The following MYO9B variants were observed in gnomAD, a reference collection of about 807,000 sequenced individuals.
MYO9B encodes the protein myosin IXB, also known as unconventional myosin-IXb.
A neutral mutation model predicts 229.5 loss-of-function variants in MYO9B; 71 were observed. The observed-to-expected ratio is 0.31, with a 90% CI of 0.26 to 0.38. The LOEUF (loss-of-function observed/expected upper bound fraction) is 0.38. Among genes scored for constraint, MYO9B ranks in the 10% least tolerant of loss-of-function variants. The pLI is 1.00. For missense variants in MYO9B, 2,255 were observed against 2,920.5 expected, an observed-to-expected ratio of 0.77 and a Z score of 5.25; for synonymous variants, 1,185 against 1,235.8, an observed-to-expected ratio of 0.96 and a Z score of 0.86.
chr19:17,134,501 C>T (rs185717748), intron 2 of MYO9B, among the ~76,000 whole-genome samples: 1 of 138,612 alleles, frequency 7.2e-6, no homozygotes, highest in East Asian at 2.4e-4. Context: ...AAGCGATTTT[C>T]GTGTCTCAGC....
intron 13 of MYO9B, among the ~76,000 whole-genome samples, chr19:17,174,179 G>A (rs551890546): frequency 1.3e-5 from 2 of 151,870 alleles, no homozygotes; most frequent in African/African-American, 2.4e-5. Flanking sequence ...ACAGGCACCC[G>A]CCACCACGCC....
chr19:17,204,625 C>T (rs1410199957), intron 30 of MYO9B, among the ~76,000 whole-genome samples: 1 of 151,710 alleles, frequency 6.6e-6, no homozygotes, highest in Non-Finnish European at 1.5e-5. Flanking sequence ...GGGAGGGTCG[C>T]TTGAACTCAG....
chr19:17,101,986 T>A lies in MYO9B; in HGVS notation c.269T>A (p.Leu90Gln). 6.2e-7 allele frequency: 1 copy of A among 1,613,242 alleles called. No homozygotes were observed. The highest frequency in any genetic ancestry group is 2.2e-5 in the East Asian group (1 of 44,872). The change falls in exon 2 of 40, where the codon CTA becomes CAA. Residue 90 changes from leucine to glutamine, a missense_variant. Around this residue, in one of 7 missense-constraint regions of MYO9B, gnomAD observed 386 missense variants for 515.2 expected, o/e 0.75. Coordinates refer to ENST00000682292, the MANE Select transcript of MYO9B (RefSeq NM_004145.4). This position sits in a 1 kb window ranked among gnomAD's most constrained non-coding sequence, Gnocchi z 4.7. ...ANDSPVHRVL[L>Q]WPRRAQDEHP... ...GACTCGCCTGTGCACCGGGTGCTGC[T>A]ATGGCCCCGGCGGGCACAGGACGAG...
intron 1 of MYO9B, among the ~76,000 whole-genome samples, chr19:17,078,548 A>T (rs896911535): frequency 2.0e-5 from 3 of 152,188 alleles, no homozygotes; most frequent in Admixed American, 6.5e-5. Context: ...AAAAATAATA[A>T]TAATTAAAAA....
intron 2 of MYO9B, among the ~76,000 whole-genome samples, chr19:17,123,669 A>G (rs1226570337): frequency 6.6e-6 from 1 of 152,094 alleles, no homozygotes; most frequent in East Asian, 1.9e-4. Context: ...ACAGCCTCCC[A>G]AAGTACTGGG....
At chr19:17,135,454 T>C (rs574382394) in intron 2 of MYO9B, among the ~76,000 whole-genome samples, 1 of 152,150 alleles carries the variant, frequency 6.6e-6, no homozygotes, top group African/African-American at 2.4e-5. Flanking sequence ...CCCCACATGA[T>C]ACTCCAGGCA....
In MYO9B at chr19:17,186,044, G is replaced by A. The variant is rs375017098; in HGVS notation, c.2577+43G>A. 7.0e-6 allele frequency: 11 copies of A among 1,565,792 alleles called. No individual in the cohort carries two copies. In the Middle Eastern group the frequency reaches 5.4e-4, roughly 77 times the overall value. ...GTTTGGGAGGAGAAGGCCCATGCCGGACTCTTAGGGGTGTCGGTGTCCCTG... is the reference window on the plus strand; with the variant it reads ...GTTTGGGAGGAGAAGGCCCATGCCGAACTCTTAGGGGTGTCGGTGTCCCTG... On this transcript the variant is annotated intron_variant, in intron 18 of 39. Transcript: ENST00000682292.
intron 2 of MYO9B, among the ~76,000 whole-genome samples, chr19:17,143,690 G>GT (rs546843355): frequency 1.3e-5 from 2 of 152,030 alleles, no homozygotes; most frequent in African/African-American, 2.4e-5. Context: ...TGAGAGGCCG[G>GT]GGCGGGCAGA....
chr19:17,147,560 A>C (rs1474580928), intron 3 of MYO9B, among the ~76,000 whole-genome samples: 1 of 150,550 alleles, frequency 6.6e-6, no homozygotes, highest in Non-Finnish European at 1.5e-5. Context: ...AAAAAAAAAA[A>C]ACCCAACAAC....
In MYO9B at chr19:17,168,010, A is replaced by G. The variant is rs367957981; in HGVS notation, c.1739A>G (p.His580Arg). 5.4e-5 allele frequency: 87 copies of G among 1,610,912 alleles called. No individual in the cohort carries two copies. In the African/African-American group the frequency reaches 1.1e-3, roughly 20 times the overall value. The change falls in exon 11 of 40, where the codon CAT (histidine) becomes CGT (arginine). Residue 580 changes from histidine to arginine, a missense_variant. By Grantham distance (29) the His-to-Arg change is conservative. Around this residue, in one of 7 missense-constraint regions of MYO9B, gnomAD observed 220 missense variants for 404.5 expected, o/e 0.54. Coordinates refer to ENST00000682292, the MANE Select transcript of MYO9B (RefSeq NM_004145.4). ...TACACAGACAATGTCGGCTGCATCC[A>G]TCTCATCAGCAAGAAACCCACGGGC... ...IGYTDNVGCI[H>R]LISKKPTGLF...
chr19:17,204,180 T>A (rs568838116), intron 30 of MYO9B, among the ~76,000 whole-genome samples: 1 of 152,044 alleles, frequency 6.6e-6, no homozygotes, highest in East Asian at 2.0e-4. Context: ...CCTCACCTGA[T>A]TCCATCCTTG....
At chr19:17,190,928 A>T (rs2072977647) in intron 19 of MYO9B, among the ~76,000 whole-genome samples, 169 bp from the exon 20 acceptor site, 1 of 152,132 alleles carries the variant, frequency 6.6e-6, no homozygotes, top group East Asian at 1.9e-4. Flanking sequence ...TACAGGTGTG[A>T]GCCACCACAC....
Position 17,195,001 on chromosome 19 carries a change from G to A in MYO9B, c.3574G>A (p.Glu1192Lys). 3 of 1,613,052 alleles carry A rather than the reference G, an allele frequency of 1.9e-6. No homozygotes were observed. The highest frequency in any genetic ancestry group is 1.3e-5 in the African/African-American group (1 of 74,974). The change falls in exon 22 of 40, where the codon GAA becomes AAA. Residue 1192 changes from glutamate (E) to lysine (K), a missense_variant. Physicochemically the swap from Glu to Lys is moderately conservative, Grantham distance 56. Around this residue, in one of 7 missense-constraint regions of MYO9B, gnomAD observed 679 missense variants for 770.2 expected, o/e 0.88. Transcript: ENST00000682292. The surrounding 1 kb of genome is among the most constrained non-coding windows in gnomAD (Gnocchi z 4.5). ...CCAGGAGCAAGGGGTGAGTCTCCTG[G>A]AAGACAAAAAGGAGAGCAGAGAAGA... ...VTQEQGVSLL[E>K]DKKESREDET...
At position 17,212,477 on chromosome 19, in the gene MYO9B, A is replaced by C. The variant is rs2073242936; in HGVS notation, c.*167A>C. On this transcript the variant is annotated 3_prime_UTR_variant, in exon 40 of 40. Transcript: ENST00000682292. This position sits in a 1 kb window ranked among gnomAD's most constrained non-coding sequence, Gnocchi z 5.4. ...CCAAGTGCAGAGTCAAGGCAGGGAG[A>C]GGCCGGCTGGAGCCAGGCCCCCTCG... 1 of 837,740 alleles carries C rather than the reference A, an allele frequency of 1.2e-6. No individual in the cohort carries two copies. Among genetic ancestry groups the C allele is most frequent in the South Asian group, 2.4e-5 (1 of 41,996 alleles). The allele number at this position is 837,740 out of a possible 1,614,324, so 51.9% of individuals were successfully genotyped here.
At chr19:17,080,138 T>C (rs774223625) in intron 1 of MYO9B, among the ~76,000 whole-genome samples, 3 of 152,170 alleles carry the variant, frequency 2.0e-5, no homozygotes, top group South Asian at 2.1e-4. Flanking sequence ...GAATAAGATA[T>C]CCTTGTCTGA....
At chr19:17,160,174 C>G (rs11673553) in intron 8 of MYO9B, among the ~76,000 whole-genome samples, 2,789 of 152,228 alleles carry the variant, frequency 0.018, 34 homozygotes, top group Middle Eastern at 0.092. Context: ...ATTTTTAGCC[C>G]CTCACCCGAT....
intron 18 of MYO9B, among the ~76,000 whole-genome samples, chr19:17,186,286 T>C (rs16981660): frequency 0.058 from 8,787 of 151,364 alleles, 459 homozygotes; most frequent in African/African-American, 0.13. Flanking sequence ...GTGCAAGGAG[T>C]CTACCAGAAG....
chr19:17,144,080 G>A (rs1006867205), intron 2 of MYO9B, among the ~76,000 whole-genome samples: 6 of 152,252 alleles, frequency 3.9e-5, no homozygotes, highest in South Asian at 4.1e-4. Context: ...GCTAGGCATG[G>A]TGGTGCATGC....
chr19:17,108,826 C>T (rs1298323351), intron 2 of MYO9B, among the ~76,000 whole-genome samples: 1 of 151,708 alleles, frequency 6.6e-6, no homozygotes, highest in Non-Finnish European at 1.5e-5. Flanking sequence ...GATTCTCCTG[C>T]CTCAGCCCTC....
Sources: gnomAD v4.1 joint callset for allele counts (sites outside exome capture counted in the v4.1 genomes callset) on GRCh38, gnomAD v4.1.1 for gene constraint, gnomAD v4.1.1 regional missense constraint, Gnocchi (gnomAD v3.1) non-coding constraint, MANE v1.5 for transcripts, NCBI Gene and HGNC (gene_info 2026-07-23, HGNC 2026-07-21) for gene names.